The following SPOCK1 variants were observed in gnomAD, a reference collection of about 807,000 sequenced individuals.
SPOCK1 encodes the protein SPARC (osteonectin), cwcv and kazal like domains proteoglycan 1.
A neutral mutation model predicts 55.3 loss-of-function variants in SPOCK1; 23 were observed. The observed-to-expected ratio is 0.42, with a 90% CI of 0.30 to 0.59. The LOEUF (loss-of-function observed/expected upper bound fraction) is 0.59. Ranked by LOEUF, SPOCK1 falls within the 20% of genes least tolerant of loss-of-function variation. The pLI is 0.22. For missense variants in SPOCK1, 499 were observed against 552.5 expected, an observed-to-expected ratio of 0.90 and a Z score of 0.97; for synonymous variants, 226 against 221.0, an observed-to-expected ratio of 1.02 and a Z score of -0.20.
chr5:137,208,943 T>C (rs1755564432), intron 3 of SPOCK1, among the ~76,000 whole-genome samples: 1 of 151,830 alleles, frequency 6.6e-6, no homozygotes, highest in Admixed American at 6.6e-5. Flanking sequence ...GAATGTGGAG[T>C]TAGCTCTGTC....
At chr5:137,442,228 C>T (rs1753029761) in intron 2 of SPOCK1, among the ~76,000 whole-genome samples, 1 of 152,156 alleles carries the variant, frequency 6.6e-6, no homozygotes, top group Non-Finnish European at 1.5e-5. Flanking sequence ...ACTTTTTAAA[C>T]AGTCATGCTA....
At chr5:137,036,723 C>A (rs1314743931) in intron 6 of SPOCK1, among the ~76,000 whole-genome samples, 3 of 152,240 alleles carry the variant, frequency 2.0e-5, no homozygotes, top group Non-Finnish European at 4.4e-5. Context: ...GGAGGCCCCT[C>A]CACCTCTGAG....
At chr5:137,204,351 C>T (rs1342969524) in intron 3 of SPOCK1, among the ~76,000 whole-genome samples, 1 of 152,182 alleles carries the variant, frequency 6.6e-6, no homozygotes, top group African/African-American at 2.4e-5. Context: ...CATCCCCACT[C>T]TGTGTCTGGG....
At chr5:137,318,024 C>T (rs1052478128) in intron 2 of SPOCK1, among the ~76,000 whole-genome samples, 5 of 152,120 alleles carry the variant, frequency 3.3e-5, no homozygotes, top group Admixed American at 1.3e-4. Flanking sequence ...ATTTTTCAAG[C>T]CACACAACAT....
intron 2 of SPOCK1, among the ~76,000 whole-genome samples, chr5:137,286,948 T>C (rs1043735164): frequency 6.6e-6 from 1 of 152,246 alleles, no homozygotes; most frequent in African/African-American, 2.4e-5. Flanking sequence ...GTGATCACTT[T>C]ACAAGAGCTT....
At chr5:137,322,676 T>C (rs1758001685) in intron 2 of SPOCK1, among the ~76,000 whole-genome samples, 1 of 145,392 alleles carries the variant, frequency 6.9e-6, no homozygotes, top group Admixed American at 6.9e-5. Flanking sequence ...GATACATAAA[T>C]GAAAATGAGA....
At chr5:137,241,543 T>G (rs1733398165) in intron 3 of SPOCK1, among the ~76,000 whole-genome samples, 1 of 152,130 alleles carries the variant, frequency 6.6e-6, no homozygotes, top group Admixed American at 6.5e-5. Context: ...AATGCAACAG[T>G]GTTGGGAGGT....
intron 2 of SPOCK1, among the ~76,000 whole-genome samples, chr5:137,275,696 C>T (rs927154709): frequency 1.3e-5 from 2 of 152,184 alleles, no homozygotes; most frequent in Non-Finnish European, 2.9e-5. Flanking sequence ...GCTTCTGGAG[C>T]TTTCCAGAGT....
At chr5:137,346,238 G>C (rs955889783) in intron 2 of SPOCK1, among the ~76,000 whole-genome samples, 1 of 152,190 alleles carries the variant, frequency 6.6e-6, no homozygotes, top group Non-Finnish European at 1.5e-5. Flanking sequence ...CCGGGAAGTT[G>C]CATTTCCTTG....
chr5:137,355,315 C>A (rs969787829), intron 2 of SPOCK1, among the ~76,000 whole-genome samples: 1 of 152,150 alleles, frequency 6.6e-6, no homozygotes, highest in Admixed American at 6.5e-5. Context: ...GCCTCAGCCT[C>A]CAGAGTAGCT....
At chr5:137,052,945 T>C (rs922343259) in intron 6 of SPOCK1, among the ~76,000 whole-genome samples, 14 of 151,812 alleles carry the variant, frequency 9.2e-5, no homozygotes, top group African/African-American at 3.4e-4. Flanking sequence ...ATAACTGTCT[T>C]CTCCAGTTAG....
At chr5:137,314,182 T>A (rs1174242270) in intron 2 of SPOCK1, among the ~76,000 whole-genome samples, 4 of 151,824 alleles carry the variant, frequency 2.6e-5, no homozygotes, top group Non-Finnish European at 5.9e-5. Context: ...GCAGTGCCCA[T>A]CTCATTTCCT....
At chr5:136,993,509 G>A (rs1021220681) in intron 6 of SPOCK1, among the ~76,000 whole-genome samples, 41 of 152,168 alleles carry the variant, frequency 2.7e-4, no homozygotes, top group African/African-American at 9.7e-4. Context: ...ACCCAGCAAT[G>A]CATTTGGGGT....
chr5:137,376,202 G>A (rs1004977589), intron 2 of SPOCK1, among the ~76,000 whole-genome samples: 3 of 152,196 alleles, frequency 2.0e-5, no homozygotes, highest in African/African-American at 4.8e-5. Flanking sequence ...CCCGGGATCC[G>A]CCCAGTTACA....
chr5:137,197,785 T>C (rs184680957), intron 3 of SPOCK1, among the ~76,000 whole-genome samples: 300 of 152,310 alleles, frequency 2.0e-3, no homozygotes, highest in Middle Eastern at 6.8e-3. Flanking sequence ...CCTACCAGAG[T>C]TCAGTCTCTA....
At chr5:137,409,531 T>C (rs1752167452) in intron 2 of SPOCK1, among the ~76,000 whole-genome samples, 1 of 152,186 alleles carries the variant, frequency 6.6e-6, no homozygotes, top group Non-Finnish European at 1.5e-5. Flanking sequence ...TCACTTTCTG[T>C]AAAATGGCAT....
chr5:137,112,345 G>C, intron 5 of SPOCK1, 90 bp downstream of exon 5: 1 of 1,516,834 alleles, frequency 6.6e-7, no homozygotes, highest in Non-Finnish European at 8.9e-7. Flanking sequence ...AGCCCACCAC[G>C]CTTCCCAAGC....
intron 6 of SPOCK1, among the ~76,000 whole-genome samples, chr5:137,034,229 A>G (rs768294472): frequency 1.3e-5 from 2 of 152,170 alleles, no homozygotes; most frequent in Non-Finnish European, 2.9e-5. Context: ...AGAGAGACAA[A>G]TGAAACCAAG....
At chr5:137,042,794 C>G (rs979686068) in intron 6 of SPOCK1, among the ~76,000 whole-genome samples, 15 of 152,012 alleles carry the variant, frequency 9.9e-5, no homozygotes, top group Non-Finnish European at 1.9e-4. Context: ...TTAGCATAAA[C>G]TTGTATTTAG....
Sources: gnomAD v4.1 joint callset for allele counts (sites outside exome capture counted in the v4.1 genomes callset) on GRCh38, gnomAD v4.1.1 for gene constraint, MANE v1.5 for transcripts, NCBI Gene and HGNC (gene_info 2026-07-23, HGNC 2026-07-21) for gene names.